The following ZEB1 variants were observed in gnomAD, a reference collection of about 807,000 sequenced individuals.
ZEB1 encodes zinc finger E-box-binding homeobox 1.
Under a neutral mutation model 84.9 loss-of-function variants are expected in ZEB1, and 21 were observed. The observed-to-expected ratio is 0.25, with a 90% CI of 0.18 to 0.36. The LOEUF (loss-of-function observed/expected upper bound fraction) is 0.36. Among genes scored for constraint, ZEB1 ranks in the 10% least tolerant of loss-of-function variants. ZEB1 has a pLI of 1.00. For missense variants in ZEB1, 1,104 were observed against 1,330.2 expected, an observed-to-expected ratio of 0.83 and a Z score of 2.65; for synonymous variants, 420 against 471.1, an observed-to-expected ratio of 0.89 and a Z score of 1.41.
intron 1 of ZEB1, among the ~76,000 whole-genome samples, chr10:31,426,222 A>G (rs1306151058): frequency 2.0e-5 from 3 of 152,180 alleles, no homozygotes; most frequent in African/African-American, 4.8e-5. Flanking sequence ...AGATTTGCCA[A>G]TGTTGCACTT....
intron 2 of ZEB1, among the ~76,000 whole-genome samples, chr10:31,489,283 G>A (rs547646035): frequency 2.6e-5 from 4 of 151,188 alleles, no homozygotes; most frequent in South Asian, 2.1e-4. Context: ...CTATAATCAC[G>A]CTAGCTTTCT....
chr10:31,520,909 G>C lies in ZEB1; in HGVS notation c.1577G>C (p.Gly526Ala). ...GAGAAGGACAAAAGCTTTGAAGGGG[G>C]GGTGAATGATAGCACTTGTCTTCTG... ...KSEKDKSFEG[G>A]VNDSTCLLCD... Residue 526 changes from glycine (G) to alanine (A), a missense_variant, in exon 7 of 9, where the codon GGG (glycine) becomes GCG (alanine). Physicochemically the swap from Gly to Ala is moderately conservative, Grantham distance 60. Around this residue, in one of 7 missense-constraint regions of ZEB1, gnomAD observed 531 missense variants for 575.2 expected, o/e 0.92. Transcript: ENST00000424869. This position sits in a 1 kb window ranked among gnomAD's most constrained non-coding sequence, Gnocchi z 5.1. 6.2e-7 allele frequency: 1 copy of C among 1,614,056 alleles called. No homozygotes were observed. Among genetic ancestry groups the C allele is most frequent in the South Asian group, 1.1e-5 (1 of 91,082 alleles).
rs544840202 is a variant in ZEB1, at chr10:31,412,172, T to C, written c.59-48865T>C. Among the ~76,000 whole-genome samples, 201 of 152,324 alleles carry C rather than the reference T, an allele frequency of 1.3e-3. 1 individual carries two copies. The highest frequency in any genetic ancestry group is 4.5e-3 in the African/African-American group (188 of 41,576). On this transcript the variant is annotated intron_variant, in intron 1 of 8. Transcript: ENST00000424869. ...CTTTTTTACACATATAATAGAGAACTAACTTTTATAAACTAAATGAGAAGG... is the reference window on the plus strand; with the variant it reads ...CTTTTTTACACATATAATAGAGAACCAACTTTTATAAACTAAATGAGAAGG...
chr10:31,372,099 T>C (rs1211113862), intron 1 of ZEB1, among the ~76,000 whole-genome samples: 4 of 152,128 alleles, frequency 2.6e-5, no homozygotes, highest in Admixed American at 2.6e-4. Context: ...ATCTGAGTCT[T>C]ACATAGCTAT....
chr10:31,422,838 T>C (rs2056390823), intron 1 of ZEB1, among the ~76,000 whole-genome samples: 2 of 151,992 alleles, frequency 1.3e-5, no homozygotes, highest in Non-Finnish European at 2.9e-5. Context: ...TTCCCCCCTT[T>C]GGTTGTCCCC....
chr10:31,379,938 T>C (rs572429771), intron 1 of ZEB1, among the ~76,000 whole-genome samples: 5 of 152,310 alleles, frequency 3.3e-5, no homozygotes, highest in African/African-American at 9.6e-5. Context: ...ATTTTTCTTA[T>C]ATAACCACAA....
intron 2 of ZEB1, among the ~76,000 whole-genome samples, chr10:31,465,031 T>A (rs1051433107): frequency 6.6e-6 from 1 of 152,188 alleles, no homozygotes; most frequent in East Asian, 1.9e-4. Context: ...ATAGGGTGAC[T>A]GCAGTCAATA....
intron 7 of ZEB1, among the ~76,000 whole-genome samples, chr10:31,522,338 G>C (rs781209900): frequency 4.3e-4 from 66 of 152,240 alleles, no homozygotes; most frequent in African/African-American, 1.4e-3. Flanking sequence ...CCATTCACAG[G>C]TTCATACCAG....
At chr10:31,450,142 A>G (rs532453731) in intron 1 of ZEB1, among the ~76,000 whole-genome samples, 1 of 152,376 alleles carries the variant, frequency 6.6e-6, no homozygotes, top group Non-Finnish European at 1.5e-5. Flanking sequence ...CATTGAATTT[A>G]TAGAAAAATT....
chr10:31,500,106 T>C (rs1030075483), intron 3 of ZEB1, among the ~76,000 whole-genome samples: 1 of 152,052 alleles, frequency 6.6e-6, no homozygotes, highest in Non-Finnish European at 1.5e-5. Context: ...TTGAAATAAA[T>C]ATTTTATAAT....
chr10:31,398,452 T>G (rs2051240592), intron 1 of ZEB1, among the ~76,000 whole-genome samples: 1 of 152,120 alleles, frequency 6.6e-6, no homozygotes, highest in African/African-American at 2.4e-5. Context: ...CTGCCTTCTC[T>G]CTCTGCATCA....
intron 2 of ZEB1, among the ~76,000 whole-genome samples, chr10:31,476,926 CA>C (rs2064292197): frequency 1.3e-5 from 2 of 152,064 alleles, no homozygotes; most frequent in South Asian, 4.2e-4. Flanking sequence ...TAGTAAGAAT[CA>C]TATATGACAA....
chr10:31,353,237 A>T (rs1240663900), intron 1 of ZEB1, among the ~76,000 whole-genome samples: 3 of 152,184 alleles, frequency 2.0e-5, no homozygotes, highest in Non-Finnish European at 2.9e-5. Context: ...CTCATGTTTA[A>T]TTTTTATATT....
intron 1 of ZEB1, among the ~76,000 whole-genome samples, chr10:31,386,554 CAG>C (rs1010249855): frequency 2.2e-4 from 33 of 152,098 alleles, no homozygotes; most frequent in African/African-American, 7.9e-4. Context: ...TACAGATAAT[CAG>C]TGTGTCAAAA....
chr10:31,324,137 A>G (rs773753612), intron 1 of ZEB1, among the ~76,000 whole-genome samples: 2 of 152,058 alleles, frequency 1.3e-5, no homozygotes, highest in Non-Finnish European at 2.9e-5. Flanking sequence ...ACATTGTAGC[A>G]TGGAGCAAAA....
At chr10:31,482,785 A>C (rs914826908) in intron 2 of ZEB1, among the ~76,000 whole-genome samples, 1 of 152,056 alleles carries the variant, frequency 6.6e-6, no homozygotes, top group Non-Finnish European at 1.5e-5. Flanking sequence ...AAATATTTTA[A>C]TAAGCAGTAA....
At chr10:31,473,159 T>TTTTC (rs1267034069) in intron 2 of ZEB1, among the ~76,000 whole-genome samples, 5 of 151,132 alleles carry the variant, frequency 3.3e-5, no homozygotes, top group African/African-American at 1.2e-4. Context: ...AAGACAGGGA[T>TTTTC]GCCCTCTCTC....
chr10:31,525,004 C>T (rs544470947), intron 8 of ZEB1, among the ~76,000 whole-genome samples: 44 of 152,198 alleles, frequency 2.9e-4, no homozygotes, highest in South Asian at 2.1e-4. Context: ...TGTGAGCATA[C>T]GCATGTTTTT....
intron 1 of ZEB1, among the ~76,000 whole-genome samples, chr10:31,442,065 C>T (rs1215499987): frequency 6.6e-6 from 1 of 152,140 alleles, no homozygotes; most frequent in African/African-American, 2.4e-5. Context: ...TGGGTATATA[C>T]CCAAAGGATT....
Sources: allele counts gnomAD v4.1 joint callset (sites outside exome capture counted in the v4.1 genomes callset), GRCh38; gene constraint gnomAD v4.1.1; regional missense constraint gnomAD v4.1.1; non-coding constraint Gnocchi (gnomAD v3.1); transcripts MANE v1.5; gene names NCBI Gene and HGNC (gene_info 2026-07-23, HGNC 2026-07-21).